PCSK6: variants seen among roughly 807,000 people sequenced by gnomAD.
PCSK6 encodes proprotein convertase subtilisin/kexin type 6.
PCSK6 carries 85 observed loss-of-function variants against 123.3 expected under a neutral mutation model. The ratio of observed to expected loss-of-function variants is 0.69; its 90% confidence interval spans 0.58 to 0.83. The LOEUF is 0.83. PCSK6 is among the 40% of genes least tolerant of loss of function. PCSK6 has a pLI of 0.00. For missense variants in PCSK6, 1,191 were observed against 1,282.3 expected (o/e 0.93, Z 1.09); for synonymous variants, 508 against 516.0 (o/e 0.98, Z 0.21).
intron 6 of PCSK6, among the ~76,000 whole-genome samples, chr15:101,409,457 C>T (rs1296727862): frequency 2.0e-5 from 3 of 151,968 alleles, no homozygotes; most frequent in South Asian, 2.1e-4. Flanking sequence ...CGGTGGCGGG[C>T]GCCTGTAGTC....
intron 1 of PCSK6, among the ~76,000 whole-genome samples, chr15:101,478,730 G>T (rs181755034): frequency 6.6e-6 from 1 of 152,206 alleles, no homozygotes; most frequent in Non-Finnish European, 1.5e-5. Context: ...GTCCCTGCAG[G>T]TGACACTGGA....
chr15:101,385,459 G>A (rs1036353426), intron 9 of PCSK6, among the ~76,000 whole-genome samples: 17 of 152,144 alleles, frequency 1.1e-4, no homozygotes, highest in Non-Finnish European at 2.2e-4. Context: ...TATTCACAGT[G>A]TCATTTCCAG....
intron 8 of PCSK6, among the ~76,000 whole-genome samples, chr15:101,391,110 T>C (rs537834672): frequency 1.3e-5 from 2 of 152,162 alleles, no homozygotes; most frequent in East Asian, 1.9e-4. Flanking sequence ...CAGAGACCAG[T>C]TTCCTCCTTG....
At chr15:101,356,869 C>A (rs1316166599) in intron 13 of PCSK6, among the ~76,000 whole-genome samples, 2 of 152,128 alleles carry the variant, frequency 1.3e-5, no homozygotes, top group African/African-American at 4.8e-5. Context: ...GGCCTGGGAA[C>A]TGAAGAGGAA....
chr15:101,387,026 ACT>A (rs1434044763), intron 9 of PCSK6, among the ~76,000 whole-genome samples: 1 of 151,386 alleles, frequency 6.6e-6, no homozygotes, highest in Non-Finnish European at 1.5e-5. Context: ...CTGGGCTCAC[ACT>A]CTCCAGGCTC....
At chr15:101,409,401 C>A (rs191402328) in intron 6 of PCSK6, among the ~76,000 whole-genome samples, 3 of 150,678 alleles carry the variant, frequency 2.0e-5, no homozygotes, top group Admixed American at 6.6e-5. Context: ...CTGGCTAACA[C>A]AGTGAAACCC....
intron 2 of PCSK6, among the ~76,000 whole-genome samples, chr15:101,439,233 C>T (rs998868638): frequency 6.6e-5 from 10 of 152,216 alleles, no homozygotes; most frequent in African/African-American, 2.2e-4. Flanking sequence ...ATGAGCGCTT[C>T]CCTCTGAGAC....
At chr15:101,367,046 C>T (rs377336026) in intron 12 of PCSK6, among the ~76,000 whole-genome samples, 200 of 152,216 alleles carry the variant, frequency 1.3e-3, no homozygotes, top group African/African-American at 4.1e-3. Flanking sequence ...CCGTGGAGAG[C>T]GGGGGGAGGA....
At chr15:101,411,950 G>C (rs1267009751) in intron 6 of PCSK6, among the ~76,000 whole-genome samples, 1 of 152,204 alleles carries the variant, frequency 6.6e-6, no homozygotes, top group Non-Finnish European at 1.5e-5. Context: ...CCATCCCCTG[G>C]AGTTGTGTCA....
At chr15:101,366,653 C>T (rs2041402226) in intron 12 of PCSK6, among the ~76,000 whole-genome samples, 1 of 152,104 alleles carries the variant, frequency 6.6e-6, no homozygotes, top group African/African-American at 2.4e-5. Flanking sequence ...GCCCCCAGTC[C>T]CGACAATTTC....
intron 13 of PCSK6, among the ~76,000 whole-genome samples, chr15:101,363,175 A>G (rs980491537): frequency 6.6e-6 from 1 of 152,196 alleles, no homozygotes; most frequent in Admixed American, 6.5e-5. Context: ...AATGCGTGAG[A>G]TGCATGAGAA....
At chr15:101,377,106 T>A (rs1437664734) in intron 11 of PCSK6, among the ~76,000 whole-genome samples, 1 of 152,266 alleles carries the variant, frequency 6.6e-6, no homozygotes, top group Non-Finnish European at 1.5e-5. Flanking sequence ...TTGACCTGTG[T>A]CTGATCCGCA....
At position 101,428,481 on chromosome 15, in the gene PCSK6, A is replaced by C. The variant is rs556242443; in HGVS notation, c.735-501T>G. 5.7e-4 allele frequency among the ~76,000 whole-genome samples: 87 copies of C among 152,040 alleles called. 2 individuals carry two copies. In the South Asian group the frequency reaches 0.018, roughly 32 times the overall value. On this transcript the variant is annotated intron_variant, in intron 5 of 21. Transcript: ENST00000611716. The stretch of plus-strand genomic sequence containing the variant: ...CACCTACAACACCATGCTTACCCTG[A>C]GGCAGCCCTTCCTGTGCTTCTAAGG...
chr15:101,347,808 T>G (rs908391095), intron 13 of PCSK6: 3 of 1,581,240 alleles, frequency 1.9e-6, no homozygotes, highest in Non-Finnish European at 2.6e-6. Context: ...GTGAAGCCCA[T>G]GGGCTGAAGC....
intron 1 of PCSK6, among the ~76,000 whole-genome samples, chr15:101,473,945 T>C (rs2057666510): frequency 6.6e-6 from 1 of 152,196 alleles, no homozygotes; most frequent in Non-Finnish European, 1.5e-5. Context: ...GGGTCTTAGA[T>C]TATCAAAGTC....
intron 11 of PCSK6, among the ~76,000 whole-genome samples, chr15:101,381,257 G>A (rs749990437): frequency 2.0e-4 from 30 of 152,142 alleles, no homozygotes; most frequent in Non-Finnish European, 3.4e-4. Flanking sequence ...CCAGCTACTC[G>A]GGAGGCTGAG....
At chr15:101,455,736 G>A (rs2057161810) in intron 1 of PCSK6, among the ~76,000 whole-genome samples, 1 of 152,182 alleles carries the variant, frequency 6.6e-6, no homozygotes, top group Non-Finnish European at 1.5e-5. Context: ...AGAGAAACAT[G>A]CACTGTCATT....
chr15:101,345,382 A>T (rs35120005), intron 13 of PCSK6, among the ~76,000 whole-genome samples: 1 of 152,084 alleles, frequency 6.6e-6, no homozygotes, highest in African/African-American at 2.4e-5. Flanking sequence ...TTTTTTAGAG[A>T]CACTAATATT....
intron 21 of PCSK6, 83 bp downstream of exon 21, chr15:101,307,130 G>T: frequency 1.0e-6 from 1 of 979,120 alleles, no homozygotes; most frequent in Non-Finnish European, 1.6e-6. Flanking sequence ...ATGCCTATGT[G>T]GCTTTGCTTT....
Sources: allele counts gnomAD v4.1 joint callset (sites outside exome capture counted in the v4.1 genomes callset), GRCh38; gene constraint gnomAD v4.1.1; transcripts MANE v1.5; gene names NCBI Gene and HGNC (gene_info 2026-07-23, HGNC 2026-07-21).